Variants in PHLPP1 observed in about 807,000 individuals in gnomAD.
The protein encoded by PHLPP1 is PH domain leucine-rich repeat-containing protein phosphatase 1.
Under a neutral mutation model 117.2 loss-of-function variants are expected in PHLPP1, and 42 were observed. That is an observed-to-expected ratio of 0.36 (90% CI 0.28 to 0.46). PHLPP1 has a LOEUF of 0.46. Ranked by LOEUF, PHLPP1 falls within the 20% of genes least tolerant of loss-of-function variation. The pLI, the probability that PHLPP1 is intolerant of heterozygous loss-of-function variation, is 1.00. For missense variants in PHLPP1, 2,084 were observed against 2,241.9 expected (o/e 0.93, Z 1.42); for synonymous variants, 1,042 against 970.7 (o/e 1.07, Z -1.37).
rs75958270 is a variant in PHLPP1 at position 62,737,662 on chromosome 18, T to C, written c.1576+20403T>C. 3.2e-3 allele frequency among the ~76,000 whole-genome samples: 489 copies of C among 152,146 alleles called. 7 individuals carry two copies. Among genetic ancestry groups the C allele is most frequent in the African/African-American group, 0.011 (469 of 41,490 alleles). Reference sequence around the variant, plus strand: ...TGCTGCTTGTGAGGTTTGTACAAGGTATTTGTCATTCCAAAAAGGGAGGTA... The same window carrying C: ...TGCTGCTTGTGAGGTTTGTACAAGGCATTTGTCATTCCAAAAAGGGAGGTA... On this transcript the variant is annotated intron_variant, in intron 1 of 16. Coordinates refer to ENST00000262719, the MANE Select transcript of PHLPP1 (RefSeq NM_194449.4).
At chr18:62,733,297 T>C (rs780272507) in intron 1 of PHLPP1, among the ~76,000 whole-genome samples, 6 of 152,218 alleles carry the variant, frequency 3.9e-5, no homozygotes, top group Non-Finnish European at 7.3e-5. Context: ...AGCAAAAAGA[T>C]TATGACTTGC....
chr18:62,771,211 CAA>C (rs766950169), intron 1 of PHLPP1, among the ~76,000 whole-genome samples: 12 of 58,710 alleles, frequency 2.0e-4, no homozygotes, highest in Admixed American at 3.8e-4. Context: ...GAGACTGTCT[CAA>C]AAAAAAAAAA....
intron 1 of PHLPP1, among the ~76,000 whole-genome samples, chr18:62,794,985 T>TC (rs1315207202): frequency 1.3e-5 from 2 of 152,114 alleles, no homozygotes; most frequent in African/African-American, 2.4e-5. Flanking sequence ...ACACTGTGTA[T>TC]CCCCCAGCCT....
chr18:62,949,878 C>G (rs918300700), intron 12 of PHLPP1, among the ~76,000 whole-genome samples: 3 of 152,170 alleles, frequency 2.0e-5, no homozygotes, highest in African/African-American at 7.2e-5. Context: ...GCACTTGTTT[C>G]TCCTTCCACT....
chr18:62,971,130 C>T (rs1394669132), intron 14 of PHLPP1, among the ~76,000 whole-genome samples: 1 of 152,166 alleles, frequency 6.6e-6, no homozygotes, highest in Non-Finnish European at 1.5e-5. Context: ...CTCTACCTCC[C>T]GCCTTTGTTC....
At chr18:62,717,977 G>A (rs1599010760) in intron 1 of PHLPP1, among the ~76,000 whole-genome samples, 1 of 152,182 alleles carries the variant, frequency 6.6e-6, no homozygotes, top group Admixed American at 6.5e-5. Flanking sequence ...CGCCTTGCAG[G>A]AAGGTTCACA....
At chr18:62,812,187 G>GT (rs1914144832) in intron 1 of PHLPP1, among the ~76,000 whole-genome samples, 2 of 152,236 alleles carry the variant, frequency 1.3e-5, no homozygotes, top group South Asian at 4.1e-4. Flanking sequence ...AATATAGTTC[G>GT]TTTTTTCACC....
rs1449557039 is a variant in PHLPP1 at position 62,975,507 on chromosome 18, G to T, written c.3866G>T (p.Gly1289Val). The T allele has an allele frequency of 6.2e-7, 1 of 1,613,254 alleles. No individual in the cohort carries two copies. The highest frequency in any genetic ancestry group is 8.5e-7 in the Non-Finnish European group (1 of 1,179,228). The change falls in exon 16 of 17, where the codon GGC (glycine) becomes GTC (valine). Residue 1289 changes from glycine to valine, a missense_variant. This residue lies in a region of PHLPP1 where 1,365 missense variants were observed against 1,605.9 expected (regional missense o/e 0.85). Transcript: ENST00000262719. ...TTCACCTTGACCTCTGCTAATGTGG[G>T]CAAGTGCCAAACAGTTCTCTGTCGA... is the stretch of plus-strand genomic sequence containing the variant. ...GSFTLTSANV[G>V]KCQTVLCRNG...
At chr18:62,846,837 A>G (rs528126943) in intron 3 of PHLPP1, among the ~76,000 whole-genome samples, 1 of 152,330 alleles carries the variant, frequency 6.6e-6, no homozygotes, top group South Asian at 2.1e-4. Flanking sequence ...AGTAGAAAAT[A>G]ATAGAATGAT....
At chr18:62,849,797 CAAAAAAAAAAAAA>C (rs1159265423) in intron 3 of PHLPP1, among the ~76,000 whole-genome samples, 155 of 7,384 alleles carry the variant, frequency 0.021, 4 homozygotes, top group East Asian at 0.092. Context: ...CCTGTCTCTA[CAAAAAAAAAAAAA>C]AAAAAAAAAA....
At chr18:62,914,240 G>T (rs1034018595) in intron 8 of PHLPP1, among the ~76,000 whole-genome samples, 11 of 152,198 alleles carry the variant, frequency 7.2e-5, no homozygotes, top group Admixed American at 5.2e-4. Context: ...AATATTAAGT[G>T]TAAAAATACA....
intron 6 of PHLPP1, among the ~76,000 whole-genome samples, chr18:62,901,789 A>G (rs953526362): frequency 1.5e-4 from 22 of 151,540 alleles, no homozygotes; most frequent in African/African-American, 4.4e-4. Context: ...ATGCCCAGCT[A>G]ATTTTTTGTA....
intron 1 of PHLPP1, among the ~76,000 whole-genome samples, chr18:62,719,095 C>G (rs561269554): frequency 6.6e-6 from 1 of 152,084 alleles, no homozygotes; most frequent in East Asian, 1.9e-4. Context: ...TAATTGTTAC[C>G]TCATTCTGCA....
At chr18:62,850,363 G>A (rs953501539) in intron 3 of PHLPP1, among the ~76,000 whole-genome samples, 1 of 139,208 alleles carries the variant, frequency 7.2e-6, no homozygotes, top group Non-Finnish European at 1.5e-5. Context: ...AATCCCGGAT[G>A]GTGATGGAGC....
At chr18:62,719,418 TCAG>T in intron 1 of PHLPP1, among the ~76,000 whole-genome samples, 1 of 152,214 alleles carries the variant, frequency 6.6e-6, no homozygotes, top group African/African-American at 2.4e-5. Flanking sequence ...GCAAAGAAGT[TCAG>T]TTATTGATGA....
rs761878920 is a variant in PHLPP1, at chr18:62,860,679, T to C, written c.2066+78T>C. The C allele has an allele frequency of 6.6e-6, 8 of 1,208,578 alleles. No homozygotes were observed. The South Asian group carries it at 9.0e-5, about 14-fold the overall frequency. 74.9% of individuals were successfully genotyped at this position (1,208,578 alleles called of 1,614,324 possible). On this transcript the variant is annotated intron_variant, in intron 4 of 16. Coordinates refer to ENST00000262719, the MANE Select transcript of PHLPP1 (RefSeq NM_194449.4). Reference sequence around the variant, plus strand: ...CTTCTGCTTGTTATCTCTTGAATATTCTCATGAAAAAAGCTAGTGTGTAAA... The same window carrying C: ...CTTCTGCTTGTTATCTCTTGAATATCCTCATGAAAAAAGCTAGTGTGTAAA...
At chr18:62,802,005 C>T (rs543044811) in intron 1 of PHLPP1, among the ~76,000 whole-genome samples, 11 of 151,808 alleles carry the variant, frequency 7.2e-5, no homozygotes, top group East Asian at 5.8e-4. Context: ...TTTTTTTAAC[C>T]GTTTTTTCCT....
intron 2 of PHLPP1, among the ~76,000 whole-genome samples, chr18:62,835,439 C>G (rs542021493): frequency 6.6e-6 from 1 of 151,812 alleles, no homozygotes; most frequent in Non-Finnish European, 1.5e-5. Flanking sequence ...CTCAGGTGAC[C>G]CCCCTGCCTC....
At chr18:62,766,076 A>AAAAAAAAAAAAT in intron 1 of PHLPP1, among the ~76,000 whole-genome samples, 2 of 21,648 alleles carry the variant, frequency 9.2e-5, no homozygotes, top group African/African-American at 3.0e-4. Context: ...AAAAAAAAAA[A>AAAAAAAAAAAAT]ATATATATAT....
Sources: gnomAD v4.1 joint callset for allele counts (sites outside exome capture counted in the v4.1 genomes callset) on GRCh38, gnomAD v4.1.1 for gene constraint, gnomAD v4.1.1 regional missense constraint, MANE v1.5 for transcripts, NCBI Gene and HGNC (gene_info 2026-07-23, HGNC 2026-07-21) for gene names.